Variants in IKZF3 observed in about 807,000 individuals in gnomAD.
IKZF3 encodes zinc finger protein Aiolos.
Under a neutral mutation model 49.0 loss-of-function variants are expected in IKZF3, and 10 were observed. That is an observed-to-expected ratio of 0.20 (90% CI 0.13 to 0.35). IKZF3 has a LOEUF of 0.35. IKZF3 is among the 10% of genes least tolerant of loss of function. The pLI is 1.00. For missense variants in IKZF3, 498 were observed against 664.8 expected (o/e 0.75, Z 2.76); for synonymous variants, 209 against 228.2 (o/e 0.92, Z 0.76).
chr17:39,816,952 G>C (rs961702785), intron 3 of IKZF3, among the ~76,000 whole-genome samples: 2 of 152,192 alleles, frequency 1.3e-5, no homozygotes, highest in African/African-American at 4.8e-5. Context: ...AACCTCAGGC[G>C]ATCTGCCTGC....
intron 6 of IKZF3, among the ~76,000 whole-genome samples, chr17:39,784,261 A>G (rs1366274151): frequency 6.6e-6 from 1 of 152,196 alleles, no homozygotes; most frequent in African/African-American, 2.4e-5. Flanking sequence ...AATAAGAATC[A>G]AGCTAATGGG....
rs887440943 is a variant in IKZF3, at chr17:39,758,414, C to T, written c.*7376G>A. 4 of 152,056 alleles carry T rather than the reference C, an allele frequency of 2.6e-5. No homozygotes were observed. Among genetic ancestry groups the T allele is most frequent in the Non-Finnish European group, 4.4e-5 (3 of 68,012 alleles). The allele number at this position is 152,056 out of a possible 1,614,324, so 9.4% of individuals were successfully genotyped here. On this transcript the variant is annotated 3_prime_UTR_variant, in exon 8 of 8. Coordinates refer to ENST00000346872, the MANE Select transcript of IKZF3 (RefSeq NM_012481.5). ...GGGATCAGTCATTTTTTAGGCTGCC[C>T]CATTTTCCTAACATGTTAAAATGTG...
chr17:39,835,715 CT>C (rs1178686455), intron 1 of IKZF3: 33 of 499,688 alleles, frequency 6.6e-5, no homozygotes, highest in Middle Eastern at 6.7e-4. Flanking sequence ...CCCAGATCTC[CT>C]CTTCATACAG....
intron 1 of IKZF3, among the ~76,000 whole-genome samples, chr17:39,838,370 ACT>A (rs2062363861): frequency 3.3e-5 from 5 of 151,756 alleles, no homozygotes; most frequent in Admixed American, 3.3e-4. Flanking sequence ...AAGTTCATTT[ACT>A]CTTTCTTCTG....
intron 1 of IKZF3, among the ~76,000 whole-genome samples, chr17:39,856,132 ACT>A (rs577015411): frequency 6.0e-4 from 90 of 151,094 alleles, no homozygotes; most frequent in African/African-American, 1.9e-3. Flanking sequence ...GTATATAATA[ACT>A]CTTTTAAATG....
intron 7 of IKZF3, among the ~76,000 whole-genome samples, chr17:39,768,506 G>C (rs1460498799): frequency 1.3e-5 from 2 of 152,226 alleles, no homozygotes; most frequent in East Asian, 1.9e-4. Flanking sequence ...CACCAGGGCA[G>C]TGTGGTGGTT....
intron 7 of IKZF3, among the ~76,000 whole-genome samples, chr17:39,776,008 C>G (rs1462599626): frequency 1.3e-5 from 2 of 152,078 alleles, no homozygotes; most frequent in Non-Finnish European, 1.5e-5. Flanking sequence ...GATGTCCCTC[C>G]TCTTGTCGGC....
chr17:39,758,655 AC>A lies in IKZF3; in HGVS notation c.*7134del, dbSNP rs988858295. On this transcript the variant is annotated 3_prime_UTR_variant, in exon 8 of 8. Coordinates refer to ENST00000346872, the MANE Select transcript of IKZF3 (RefSeq NM_012481.5). ...GGGGGTGGGGTACTAATGGCTGAGG[AC>A]TCACAGACAGTGAGGGAGCAAAGCG... The A allele has an allele frequency of 6.6e-6, 1 of 150,982 alleles. No individual in the cohort carries two copies. The highest frequency in any genetic ancestry group is 2.4e-5 in the African/African-American group (1 of 40,928). The allele number at this position is 150,982 out of a possible 1,614,324, so 9.4% of individuals were successfully genotyped here.
chr17:39,763,534 C>T lies in IKZF3; in HGVS notation c.*2256G>A, dbSNP rs945455611. 3.3e-5 allele frequency: 5 copies of T among 152,100 alleles called. No individual in the cohort carries two copies. The highest frequency in any genetic ancestry group is 7.4e-5 in the Non-Finnish European group (5 of 68,014). 9.4% of individuals were successfully genotyped at this position (152,100 alleles called of 1,614,324 possible). A position where few individuals can be genotyped will look rare whatever the true frequency, so the allele number is the denominator to read the frequency against. On this transcript the variant is annotated 3_prime_UTR_variant, in exon 8 of 8. Coordinates refer to ENST00000346872, the MANE Select transcript of IKZF3 (RefSeq NM_012481.5). The stretch of plus-strand genomic sequence containing the variant: ...AGGCTTTGGCAAACAGCTGCATGTG[C>T]CAATTTGTGTGTATGCTTTGTGGCA...
intron 3 of IKZF3, 21 bp downstream of exon 3, chr17:39,829,366 A>T: frequency 6.5e-7 from 1 of 1,537,560 alleles, no homozygotes; most frequent in Non-Finnish European, 9.0e-7. Context: ...ATCAGTGTTT[A>T]GTCTGCACAC....
rs183281611 is a variant in IKZF3 at position 39,850,295 on chromosome 17, A to C, written c.7+13825T>G. Among the ~76,000 whole-genome samples the C allele has an allele frequency of 6.2e-3, 868 of 140,120 alleles. 17 individuals carry two copies. The highest frequency in any genetic ancestry group is 0.022 in the African/African-American group (832 of 38,004). The allele number at this position is 140,120 out of a possible 152,430, so 91.9% of individuals were successfully genotyped here. On this transcript the variant is annotated intron_variant, in intron 1 of 7. Coordinates refer to ENST00000346872, the MANE Select transcript of IKZF3 (RefSeq NM_012481.5). Reference sequence around the variant, plus strand: ...GTATATATAATATATAGTATATACAATATATAGCATATTATACATGTACAT... The same window carrying C: ...GTATATATAATATATAGTATATACACTATATAGCATATTATACATGTACAT...
intron 1 of IKZF3, among the ~76,000 whole-genome samples, chr17:39,857,144 G>A (rs2063083914): frequency 6.6e-6 from 1 of 152,116 alleles, no homozygotes; most frequent in South Asian, 2.1e-4. Context: ...AGAGGTAGAT[G>A]ACAGCAAAAA....
chr17:39,817,843 T>C (rs753512483), intron 3 of IKZF3, among the ~76,000 whole-genome samples: 4 of 152,052 alleles, frequency 2.6e-5, no homozygotes, highest in Non-Finnish European at 5.9e-5. Flanking sequence ...AGTAGAGTAG[T>C]CCCCCCTTAT....
intron 3 of IKZF3, among the ~76,000 whole-genome samples, chr17:39,801,574 T>A (rs1362903913): frequency 6.6e-6 from 1 of 152,152 alleles, no homozygotes; most frequent in African/African-American, 2.4e-5. Context: ...CTAGAACAGT[T>A]TTCCTTATAA....
At chr17:39,828,334 T>C (rs2062012784) in intron 3 of IKZF3, among the ~76,000 whole-genome samples, 3 of 151,890 alleles carry the variant, frequency 2.0e-5, no homozygotes, top group Admixed American at 2.0e-4. Context: ...TGTATGGGAG[T>C]TGACTGAGGG....
intron 6 of IKZF3, among the ~76,000 whole-genome samples, chr17:39,783,830 G>A (rs1017393748): frequency 6.6e-6 from 1 of 152,158 alleles, no homozygotes; most frequent in Non-Finnish European, 1.5e-5. Context: ...TCAGTAGGCT[G>A]AGGCAGGAGA....
chr17:39,819,914 G>A lies in IKZF3; in HGVS notation c.163+9473C>T, dbSNP rs541452940. On this transcript the variant is annotated intron_variant, in intron 3 of 7. Coordinates refer to ENST00000346872, the MANE Select transcript of IKZF3 (RefSeq NM_012481.5). ...GAACTCCTGACCTCCAGAAAAATCC[G>A]CCCACCTTGGCCTCTCAAAGTATTG... 3.2e-4 allele frequency among the ~76,000 whole-genome samples: 49 copies of A among 152,126 alleles called. 1 individual carries two copies. The South Asian group carries it at 8.7e-3, about 27-fold the overall frequency.
intron 1 of IKZF3, among the ~76,000 whole-genome samples, chr17:39,850,813 T>C (rs1246551732): frequency 7.7e-6 from 1 of 129,114 alleles, no homozygotes; most frequent in Non-Finnish European, 1.5e-5. Context: ...ATAGTATATA[T>C]ACATATATAA....
In IKZF3 at chr17:39,766,402, T is replaced by C. The variant is rs1030894912; in HGVS notation, c.918A>G (p.Gln306=). The change falls in exon 8 of 8, where the codon CAA becomes CAG. Residue 306 remains glutamine, a synonymous_variant. Transcript: ENST00000346872. ...SELIQTRMMD[Q]AINNAISYLG... is the part of the protein sequence containing the mutation. ...GATAGCTGATGGCGTTATTGATGGC[T>C]TGGTCCATCATGCGGGTCTGTATGA... 1.9e-6 allele frequency: 3 copies of C among 1,614,188 alleles called. No homozygotes were observed. Among genetic ancestry groups the C allele is most frequent in the Non-Finnish European group, 2.5e-6 (3 of 1,180,018 alleles).
Sources: gnomAD v4.1 joint callset for allele counts (sites outside exome capture counted in the v4.1 genomes callset) on GRCh38, gnomAD v4.1.1 for gene constraint, MANE v1.5 for transcripts, NCBI Gene and HGNC (gene_info 2026-07-23, HGNC 2026-07-21) for gene names.